The following ALG12 variants were observed in gnomAD, a reference collection of about 807,000 sequenced individuals.
The protein encoded by ALG12 is ALG12 alpha-1,6-mannosyltransferase.
A neutral mutation model predicts 46.0 loss-of-function variants in ALG12; 36 were observed. The observed-to-expected ratio is 0.78, with a 90% confidence interval of 0.60 to 1.03. ALG12 has a LOEUF of 1.03. Ranked by LOEUF, ALG12 falls within the 50% of genes least tolerant of loss-of-function variation. The probability of loss-of-function intolerance (pLI) is 0.00; values close to 1 mark genes in which losing one functional copy is unlikely to be tolerated. For missense variants in ALG12, 599 were observed against 633.5 expected (o/e 0.95, Z 0.58); for synonymous variants, 326 against 291.6 (o/e 1.12, Z -1.20).
the ALG12 span, among the ~76,000 whole-genome samples, chr22:49,891,117 T>C: frequency 6.6e-6 from 1 of 152,192 alleles, no homozygotes; most frequent in African/African-American, 2.4e-5. Flanking sequence ...GCCATGACCT[T>C]ACTTTGACTT....
intron 6 of ALG12, among the ~76,000 whole-genome samples, chr22:49,908,857 C>T (rs752331121): frequency 6.7e-6 from 1 of 149,720 alleles, no homozygotes; most frequent in Non-Finnish European, 1.5e-5. Context: ...GAGGCTGAGG[C>T]AGGAGAATTG....
At chr22:49,860,614 G>T in the ALG12 span, among the ~76,000 whole-genome samples, 2 of 150,856 alleles carry the variant, frequency 1.3e-5, no homozygotes, top group African/African-American at 5.0e-5. Context: ...TCCCAAGAAA[G>T]AAATAAGACA....
the ALG12 span, among the ~76,000 whole-genome samples, chr22:49,881,085 C>G: frequency 6.6e-6 from 1 of 152,236 alleles, no homozygotes; most frequent in Non-Finnish European, 1.5e-5. Context: ...GTGGCTCAGG[C>G]CTGTAAACCC....
chr22:49,869,931 C>T, the ALG12 span, among the ~76,000 whole-genome samples: 1 of 152,138 alleles, frequency 6.6e-6, no homozygotes, highest in African/African-American at 2.4e-5. Context: ...GCATGGTACT[C>T]AATAGGTTGT....
chr22:49,894,087 C>T, the ALG12 span, among the ~76,000 whole-genome samples: 1 of 152,184 alleles, frequency 6.6e-6, no homozygotes, highest in South Asian at 2.1e-4. Context: ...ATTGCTTGAA[C>T]CCAGGAGGCG....
chr22:49,860,020 G>A, the ALG12 span, among the ~76,000 whole-genome samples: 3 of 130,694 alleles, frequency 2.3e-5, no homozygotes, highest in Non-Finnish European at 3.3e-5. Context: ...GAAATCAGCC[G>A]GGCATGATGG....
intron 7 of ALG12, 26 bp from the exon 8 acceptor site, chr22:49,904,532 T>G (rs758145352): frequency 9.9e-6 from 16 of 1,613,550 alleles, no homozygotes; most frequent in Non-Finnish European, 1.3e-5. Flanking sequence ...TTACACATCA[T>G]AGGCAGAACG....
chr22:49,914,770 C>G (rs1006134975), intron 1 of ALG12, among the ~76,000 whole-genome samples: 1 of 152,242 alleles, frequency 6.6e-6, no homozygotes, highest in African/African-American at 2.4e-5. Flanking sequence ...GCGTCTTACT[C>G]TGTCACCCAA....
the ALG12 span, among the ~76,000 whole-genome samples, chr22:49,878,245 C>A: frequency 7.0e-6 from 1 of 142,652 alleles, no homozygotes; most frequent in South Asian, 2.2e-4. Flanking sequence ...GCGGAGGTTA[C>A]AGTGAGCCAA....
At chr22:49,879,361 G>A in the ALG12 span, among the ~76,000 whole-genome samples, 6 of 151,706 alleles carry the variant, frequency 4.0e-5, no homozygotes, top group East Asian at 6.0e-4. Flanking sequence ...TCCTGAGCTC[G>A]GTTGATCCGT....
chr22:49,915,621 G>A lies in ALG12; in HGVS notation c.-78-1778C>T, dbSNP rs1223636191. 9.2e-5 allele frequency among the ~76,000 whole-genome samples: 14 copies of A among 152,154 alleles called. 1 individual carries two copies. On this transcript the variant is annotated intron_variant, in intron 1 of 9. Transcript: ENST00000330817. Reference sequence around the variant, plus strand: ...AAACTTGGTATCAAACAAAGAGAAAGGTCGAAGGACTAGGTTAGGAATCAC... The same window carrying A: ...AAACTTGGTATCAAACAAAGAGAAAAGTCGAAGGACTAGGTTAGGAATCAC...
the ALG12 span, chr22:49,887,306 C>T: frequency 1.0e-6 from 1 of 986,360 alleles, no homozygotes; most frequent in Non-Finnish European, 1.5e-6. Flanking sequence ...GGCCGCTCTC[C>T]AGCTCACCAC....
intron 1 of ALG12, among the ~76,000 whole-genome samples, chr22:49,914,290 G>A (rs2060598054): frequency 6.6e-6 from 1 of 152,244 alleles, no homozygotes; most frequent in Non-Finnish European, 1.5e-5. Context: ...GTGGTGGACA[G>A]GGGCCCCGGG....
At chr22:49,894,183 G>A in the ALG12 span, among the ~76,000 whole-genome samples, 1 of 152,100 alleles carries the variant, frequency 6.6e-6, no homozygotes, top group African/African-American at 2.4e-5. Context: ...TAATAAAGTA[G>A]ATTCTGACAT....
At chr22:49,873,788 T>G in the ALG12 span, among the ~76,000 whole-genome samples, 1 of 152,188 alleles carries the variant, frequency 6.6e-6, no homozygotes, top group Non-Finnish European at 1.5e-5. Context: ...GAATGAGATG[T>G]CTGTTTTGAA....
chr22:49,880,134 G>GT, the ALG12 span, among the ~76,000 whole-genome samples: 98,313 of 151,972 alleles, frequency 0.65, 35,767 homozygotes, highest in East Asian at 0.85. Flanking sequence ...TGAGGCTGGC[G>GT]TTTAAGCTGT....
chr22:49,881,818 C>A, the ALG12 span, among the ~76,000 whole-genome samples: 1 of 152,202 alleles, frequency 6.6e-6, no homozygotes, highest in Admixed American at 6.5e-5. Context: ...AGGCATGAGC[C>A]ACTGTGCCTG....
chr22:49,902,203 C>T lies in ALG12; in HGVS notation c.*1635G>A, dbSNP rs2060513752. 7.9e-6 allele frequency: 1 copy of T among 127,364 alleles called. No homozygotes were observed. Among genetic ancestry groups the T allele is most frequent in the Non-Finnish European group, 1.6e-5 (1 of 62,542 alleles). The allele number at this position is 127,364 out of a possible 1,614,324, so 7.9% of individuals were successfully genotyped here. On this transcript the variant is annotated 3_prime_UTR_variant, in exon 10 of 10. Transcript: ENST00000330817. ...GTGGTGTGTATGCATGGTGTGTGCA[C>T]ATGTGCACTGTGTGGTGTGTATGCA...
chr22:49,885,075 C>G, the ALG12 span: 1 of 1,612,626 alleles, frequency 6.2e-7, no homozygotes. Context: ...CCCCCATGGA[C>G]AGCCTCAAGG....
Sources: gnomAD v4.1 joint callset for allele counts (sites outside exome capture counted in the v4.1 genomes callset) on GRCh38, gnomAD v4.1.1 for gene constraint, MANE v1.5 for transcripts, NCBI Gene and HGNC (gene_info 2026-07-23, HGNC 2026-07-21) for gene names.